The following MPO variants were observed in gnomAD, a reference collection of about 807,000 sequenced individuals.
The protein encoded by MPO is myeloperoxidase.
In MPO, 57 loss-of-function variants were observed where a neutral mutation model predicts 69.4. That is an observed-to-expected ratio of 0.82 (90% confidence interval 0.66 to 1.02). MPO has a LOEUF of 1.02. Ranked by LOEUF, MPO falls within the 50% of genes least tolerant of loss-of-function variation. The pLI is 0.00. For synonymous variants in MPO, 426 were observed against 417.1 expected (o/e 1.02, Z -0.26); for missense variants, 971 against 1,014.1 (o/e 0.96, Z 0.58).
At chr17:58,271,084 C>T (rs868567377) in intron 11 of MPO, among the ~76,000 whole-genome samples, 5 of 152,206 alleles carry the variant, frequency 3.3e-5, no homozygotes, top group African/African-American at 9.7e-5. Flanking sequence ...CTTTCCCTTA[C>T]CCCTAGCCCG....
chr17:58,275,403 A>G lies in MPO; in HGVS notation c.1365+139T>C. The G allele has an allele frequency of 9.4e-7, 1 of 1,062,592 alleles. No homozygotes were observed. Among genetic ancestry groups the G allele is most frequent in the East Asian group, 2.5e-5 (1 of 39,238 alleles). 65.8% of individuals were successfully genotyped at this position (1,062,592 alleles called of 1,614,324 possible). A position where few individuals can be genotyped will look rare whatever the true frequency, so the allele number is the denominator to read the frequency against. On this transcript the variant is annotated intron_variant, in intron 8 of 11. Transcript: ENST00000225275. The surrounding 1 kb of genome is among the most constrained non-coding windows in gnomAD (Gnocchi z 4.1). ...CTTACTATCTGAAAGGTGTTTTCATATATGTATTATAATCCTTACAGCCTC... is the reference window on the plus strand; with the variant it reads ...CTTACTATCTGAAAGGTGTTTTCATGTATGTATTATAATCCTTACAGCCTC...
Position 58,280,021 on chromosome 17 carries a change from G to C in MPO, c.249-7C>G, listed in dbSNP as rs1441075515. On this transcript the variant is annotated splice_polypyrimidine_tract_variant and splice_region_variant and intron_variant, in intron 2 of 11. Coordinates refer to ENST00000225275, the MANE Select transcript of MPO (RefSeq NM_000250.2). ...GCGAAGCCGCTGCTTGATGCTGCTT[G>C]GAGAAAGGAGGAGTGAGGGCCAGAG... 37 of 1,611,982 alleles carry C rather than the reference G, an allele frequency of 2.3e-5. No homozygotes were observed. Among genetic ancestry groups the C allele is most frequent in the Non-Finnish European group, 3.1e-5 (36 of 1,180,024 alleles).
rs762528347 is a variant in MPO at position 58,272,865 on chromosome 17, G to A, written c.1675C>T (p.Arg559Cys). 10 of 1,614,176 alleles carry A rather than the reference G, an allele frequency of 6.2e-6. No homozygotes were observed. The highest frequency in any genetic ancestry group is 1.7e-5 in the Admixed American group (1 of 60,030). The change falls in exon 10 of 12, where the codon CGT becomes TGT. Residue 559 changes from arginine (R) to cysteine (C), a missense_variant. Arg to Cys is a radical substitution (Grantham distance 180). Transcript: ENST00000225275. ...GLMATPAKLN[R>C]QNQIAVDEIR... is the part of the protein sequence containing the mutation. ...TCATCCACTGCAATTTGGTTCTGACGATTCAGCTTGGCAGGGGTGGCCATG... is the reference window on the plus strand; with the variant it reads ...TCATCCACTGCAATTTGGTTCTGACAATTCAGCTTGGCAGGGGTGGCCATG...
At chr17:58,280,563 C>T (rs201602432) in intron 1 of MPO, 42 bp downstream of exon 1, 4 of 1,614,028 alleles carry the variant, frequency 2.5e-6, no homozygotes, top group Non-Finnish European at 3.4e-6. Flanking sequence ...TGGAACACAA[C>T]CACCCCAACA....
chr17:58,279,503 C>T lies in MPO; in HGVS notation c.548+20G>A. On this transcript the variant is annotated intron_variant, in intron 4 of 11. Coordinates refer to ENST00000225275, the MANE Select transcript of MPO (RefSeq NM_000250.2). ...GCCTCTCTGAGCCCGGTTCCTGCAG[C>T]CACCCCCAGCCAGCCGCACCTGTTG... 1 of 1,613,404 alleles carries T rather than the reference C, an allele frequency of 6.2e-7. No homozygotes were observed. Among genetic ancestry groups the T allele is most frequent in the Non-Finnish European group, 8.5e-7 (1 of 1,179,866 alleles).
At chr17:58,278,686 CCTCCCAGAACCCT>C (rs1970471085) in intron 6 of MPO, among the ~76,000 whole-genome samples, 2 of 152,202 alleles carry the variant, frequency 1.3e-5, no homozygotes, top group Admixed American at 1.3e-4. Flanking sequence ...GAGAAGGTCT[CCTCCCAGAACCCT>C]CTCCCAACCT....
Position 58,278,927 on chromosome 17 carries a change from C to T in MPO, c.885+81G>A, listed in dbSNP as rs938015367. On this transcript the variant is annotated intron_variant, in intron 6 of 11. Transcript: ENST00000225275. ...TTCCTCAGCGTCTGGGAAAGGAAAC[C>T]TGGGCACAGAAGGGAGATGGCCCCT... The T allele has an allele frequency of 2.0e-6, 3 of 1,488,376 alleles. No individual in the cohort carries two copies. In the African/African-American group the frequency reaches 4.2e-5, roughly 21 times the overall value. The allele number at this position is 1,488,376 out of a possible 1,614,324, so 92.2% of individuals were successfully genotyped here.
intron 9 of MPO, 22 bp from the exon 10 acceptor site, chr17:58,272,940 T>A: frequency 6.2e-7 from 1 of 1,613,554 alleles, no homozygotes; most frequent in South Asian, 1.1e-5. Context: ...AGGAGCCAGG[T>A]CAGGGGAAGT....
rs774618810 is a variant in MPO, at chr17:58,280,375, C to T, written c.239G>A (p.Arg80Gln). Residue 80 changes from arginine to glutamine, a missense_variant, in exon 2 of 12, where the codon CGG (arginine) becomes CAG (glutamine). Transcript: ENST00000225275. Reference sequence around the variant, plus strand: ...GTGCCTCGTGCCCCACCTTTCCCGCCGCTCCTTGTAGGCCTTGTCCACCAG... The same window carrying T: ...GTGCCTCGTGCCCCACCTTTCCCGCTGCTCCTTGTAGGCCTTGTCCACCAG... ...KQLVDKAYKE[R>Q]RESIKQRLRS... 22 of 1,613,914 alleles carry T rather than the reference C, an allele frequency of 1.4e-5. No homozygotes were observed. The highest frequency in any genetic ancestry group is 1.8e-5 in the Non-Finnish European group (21 of 1,179,962).
Position 58,271,794 on chromosome 17 carries a change from T to C in MPO, c.1891A>G (p.Met631Val). The change falls in exon 11 of 12, where the codon ATG becomes GTG. Residue 631 changes from methionine to valine, a missense_variant. Physicochemically the swap from Met to Val is conservative, Grantham distance 21. Coordinates refer to ENST00000225275, the MANE Select transcript of MPO (RefSeq NM_000250.2). The stretch of plus-strand genomic sequence containing the variant: ...TTGTTGGGCGTGCCATACTGCTCCA[T>C]CAGTTTCCTCGCCAATTTCAGGTTC... The part of the protein sequence containing the change: ...LRNLKLARKL[M>V]EQYGTPNNID... The C allele has an allele frequency of 6.2e-7, 1 of 1,614,152 alleles. No individual in the cohort carries two copies. Among genetic ancestry groups the C allele is most frequent in the Non-Finnish European group, 8.5e-7 (1 of 1,180,032 alleles).
chr17:58,278,390 T>A (rs1232357722), intron 6 of MPO, among the ~76,000 whole-genome samples: 1 of 152,048 alleles, frequency 6.6e-6, no homozygotes, highest in Non-Finnish European at 1.5e-5. Context: ...AGGCCTCGGA[T>A]CCCTCCTCAC....
chr17:58,275,696 G>T lies in MPO; in HGVS notation c.1211C>A (p.Thr404Asn). ...GAGCTCGGGCATCTCACTGGAACGG[G>T]TGTCCCCTTGGGGAGGCAAAAGCCA... ...ARIPCFLAGD[T>N]RSSEMPELTS... Residue 404 changes from threonine to asparagine, a missense_variant, in exon 8 of 12, where the codon ACC (threonine) becomes AAC (asparagine). By Grantham distance (65) the Thr-to-Asn change is moderately conservative. Transcript: ENST00000225275. The surrounding 1 kb of genome is among the most constrained non-coding windows in gnomAD (Gnocchi z 4.1). 1 of 1,614,180 alleles carries T rather than the reference G, an allele frequency of 6.2e-7. No individual in the cohort carries two copies. The highest frequency in any genetic ancestry group is 8.5e-7 in the Non-Finnish European group (1 of 1,180,038).
intron 1 of MPO, 37 bp downstream of exon 1, chr17:58,280,568 C>G (rs749438887): frequency 1.9e-5 from 31 of 1,614,034 alleles, no homozygotes; most frequent in Non-Finnish European, 2.5e-5. Context: ...CACAACCACC[C>G]CAACACACCA....
At position 58,275,641 on chromosome 17, in the gene MPO, C is replaced by G; in HGVS notation, c.1266G>C (p.Glu422Asp). 6.2e-7 allele frequency: 1 copy of G among 1,614,150 alleles called. No individual in the cohort carries two copies. Among genetic ancestry groups the G allele is most frequent in the Non-Finnish European group, 8.5e-7 (1 of 1,180,026 alleles). ...TGAGCTCTGTGGCCAGCCGGTTGTGCTCCCGAAGTAAGAGGGTGTGCATGG... is the reference window on the plus strand; with the variant it reads ...TGAGCTCTGTGGCCAGCCGGTTGTGGTCCCGAAGTAAGAGGGTGTGCATGG... ...LTSMHTLLLR[E>D]HNRLATELKS... The change falls in exon 8 of 12, where the codon GAG (glutamate) becomes GAC (aspartate). Residue 422 changes from glutamate (E) to aspartate (D), a missense_variant. Transcript: ENST00000225275. The surrounding 1 kb of genome is among the most constrained non-coding windows in gnomAD (Gnocchi z 4.1).
intron 6 of MPO, 61 bp from the exon 7 acceptor site, chr17:58,278,206 C>G: frequency 6.4e-7 from 1 of 1,571,484 alleles, no homozygotes; most frequent in South Asian, 1.1e-5. Context: ...CCAGGCAGAA[C>G]TGGATCTCCC....
At chr17:58,276,427 G>A (rs1011671926) in intron 7 of MPO, among the ~76,000 whole-genome samples, 3 of 152,280 alleles carry the variant, frequency 2.0e-5, no homozygotes, top group Middle Eastern at 3.4e-3. Flanking sequence ...ATCCCCCCTG[G>A]TTCCCCTAGT....
chr17:58,271,295 C>T (rs1004887772), intron 11 of MPO, among the ~76,000 whole-genome samples: 18 of 152,168 alleles, frequency 1.2e-4, no homozygotes, highest in Non-Finnish European at 4.4e-5. Context: ...GACATGAAGA[C>T]ATCAGGACCA....
At chr17:58,278,413 C>A (rs941069107) in intron 6 of MPO, among the ~76,000 whole-genome samples, 1 of 152,098 alleles carries the variant, frequency 6.6e-6, no homozygotes, top group East Asian at 1.9e-4. Context: ...AAGCGTCGCC[C>A]GTCTCTCTCC....
chr17:58,274,239 T>C (rs1970406124), intron 8 of MPO: 1 of 479,556 alleles, frequency 2.1e-6, no homozygotes, highest in African/African-American at 2.0e-5. Flanking sequence ...CACTCTACAT[T>C]CTAGAGTCTA....
Sources: gnomAD v4.1 joint callset for allele counts (sites outside exome capture counted in the v4.1 genomes callset) on GRCh38, gnomAD v4.1.1 for gene constraint, Gnocchi (gnomAD v3.1) non-coding constraint, MANE v1.5 for transcripts, NCBI Gene and HGNC (gene_info 2026-07-23, HGNC 2026-07-21) for gene names.